Variants in KSR2 observed in about 807,000 individuals in gnomAD.
KSR2 encodes the protein kinase suppressor of ras 2.
A neutral mutation model predicts 107.8 loss-of-function variants in KSR2; 25 were observed. That is an observed-to-expected ratio of 0.23 (90% CI 0.17 to 0.32). The LOEUF is 0.32. Among genes scored for constraint, KSR2 ranks in the 10% least tolerant of loss-of-function variants. The pLI is 1.00. For missense variants in KSR2, 887 were observed against 1,268.9 expected (o/e 0.70, Z 4.57); for synonymous variants, 480 against 507.0 (o/e 0.95, Z 0.71).
Position 117,860,407 on chromosome 12 carries a change from G to C in KSR2, c.205C>G (p.Arg69Gly), listed in dbSNP as rs766509246. ...LESKLVKYFS[R>G]QLSCKKKVAL... ...ACCTTCTTTTTGCAGGACAGCTGCC[G>C]GCTGAAGTACTTCACCAGCTTGCTC... The change falls in exon 2 of 20, where the codon CGG becomes GGG. Residue 69 changes from arginine to glycine, a missense_variant. Transcript: ENST00000339824. 1 of 1,610,774 alleles carries C rather than the reference G, an allele frequency of 6.2e-7. No individual in the cohort carries two copies. Among genetic ancestry groups the C allele is most frequent in the African/African-American group, 1.3e-5 (1 of 74,898 alleles).
chr12:117,460,429 G>A lies in KSR2; in HGVS notation c.*6770C>T, dbSNP rs2137094070. 2 of 152,428 alleles carry A rather than the reference G, an allele frequency of 1.3e-5. No homozygotes were observed. The highest frequency in any genetic ancestry group is 6.8e-3 in the Middle Eastern group (2 of 294). 9.4% of individuals were successfully genotyped at this position (152,428 alleles called of 1,614,324 possible). On this transcript the variant is annotated 3_prime_UTR_variant, in exon 20 of 20. Coordinates refer to ENST00000339824, the MANE Select transcript of KSR2 (RefSeq NM_173598.6). ...CCAGCAGGAGAGACGGAGGGGATAG[G>A]AAGCCTGGAGCAGGGATACTGGAGG...
intron 17 of KSR2, among the ~76,000 whole-genome samples, chr12:117,475,967 C>G (rs1441831336): frequency 6.6e-6 from 1 of 152,200 alleles, no homozygotes. Flanking sequence ...GGATCCCCAG[C>G]CTGCTGAGCC....
At chr12:117,628,583 A>G (rs1320059036) in intron 5 of KSR2, among the ~76,000 whole-genome samples, 1 of 152,156 alleles carries the variant, frequency 6.6e-6, no homozygotes, top group Admixed American at 6.5e-5. Context: ...GCTTCGTCCC[A>G]GAGGGGGAGC....
chr12:117,612,801 C>T (rs980126552), intron 5 of KSR2, among the ~76,000 whole-genome samples: 4 of 152,142 alleles, frequency 2.6e-5, no homozygotes, highest in African/African-American at 9.7e-5. Flanking sequence ...TGTAGGGAGG[C>T]AATTGGATCA....
intron 3 of KSR2, among the ~76,000 whole-genome samples, chr12:117,793,913 C>G (rs1890431140): frequency 7.1e-6 from 1 of 140,884 alleles, no homozygotes; most frequent in Non-Finnish European, 1.5e-5. Context: ...CACACTCACA[C>G]CAACATGCAC....
chr12:117,959,507 G>C (rs1261242924), intron 1 of KSR2, among the ~76,000 whole-genome samples: 1 of 152,108 alleles, frequency 6.6e-6, no homozygotes, highest in Non-Finnish European at 1.5e-5. Flanking sequence ...TGAGGGCTTG[G>C]ACTTCCACAA....
intron 14 of KSR2, among the ~76,000 whole-genome samples, chr12:117,490,677 T>C (rs1872698924): frequency 1.3e-5 from 2 of 152,204 alleles, no homozygotes; most frequent in South Asian, 4.1e-4. Context: ...ATTACAGACA[T>C]GAGCCGCTGC....
At chr12:117,710,617 T>A (rs1014259731) in intron 4 of KSR2, among the ~76,000 whole-genome samples, 38 of 152,172 alleles carry the variant, frequency 2.5e-4, no homozygotes, top group African/African-American at 8.7e-4. Context: ...GTTTTGGGCA[T>A]GCAAGTTAAC....
At chr12:117,510,543 A>T (rs1357299145) in intron 14 of KSR2, among the ~76,000 whole-genome samples, 3 of 152,112 alleles carry the variant, frequency 2.0e-5, no homozygotes, top group Non-Finnish European at 2.9e-5. Flanking sequence ...TATTTACGTC[A>T]CCTCCATTGA....
At chr12:117,813,606 A>G (rs1467428842) in intron 3 of KSR2, among the ~76,000 whole-genome samples, 1 of 152,242 alleles carries the variant, frequency 6.6e-6, no homozygotes, top group African/African-American at 2.4e-5. Context: ...CACACCAGTT[A>G]GAATGGCTAC....
At position 117,676,359 on chromosome 12, in the gene KSR2, G is replaced by A. The variant is rs548584248; in HGVS notation, c.987-8701C>T. On this transcript the variant is annotated intron_variant, in intron 4 of 19. Coordinates refer to ENST00000339824, the MANE Select transcript of KSR2 (RefSeq NM_173598.6). ...TGGAGGAATACGCAGTCCTTTTAGA[G>A]AAGACATGGATGCATCTTTTTGCAT... is the stretch of plus-strand genomic sequence containing the variant. Among the ~76,000 whole-genome samples, 24 of 152,254 alleles carry A rather than the reference G, an allele frequency of 1.6e-4. No homozygotes were observed. The South Asian group carries it at 2.9e-3, about 18-fold the overall frequency.
intron 1 of KSR2, among the ~76,000 whole-genome samples, chr12:117,878,310 C>T (rs1226298232): frequency 1.3e-5 from 2 of 152,138 alleles, no homozygotes; most frequent in African/African-American, 4.8e-5. Context: ...TTCCCTCCCA[C>T]TGGTCACCAC....
intron 14 of KSR2, among the ~76,000 whole-genome samples, chr12:117,513,737 G>C (rs1159062701): frequency 2.0e-5 from 3 of 152,210 alleles, no homozygotes; most frequent in African/African-American, 7.2e-5. Context: ...AAGGGAAAGA[G>C]GACGAGAGAG....
chr12:117,789,644 A>G (rs944906384), intron 3 of KSR2, among the ~76,000 whole-genome samples: 2 of 152,156 alleles, frequency 1.3e-5, no homozygotes, highest in African/African-American at 4.8e-5. Context: ...GCCACCTTGC[A>G]TGCTGGCCTC....
intron 4 of KSR2, among the ~76,000 whole-genome samples, chr12:117,757,641 A>G (rs1431434757): frequency 6.6e-6 from 1 of 152,244 alleles, no homozygotes; most frequent in Non-Finnish European, 1.5e-5. Flanking sequence ...CATCACCTTG[A>G]TCAGTCGGCA....
chr12:117,526,942 T>A, intron 13 of KSR2, 129 bp downstream of exon 13: 1 of 722,676 alleles, frequency 1.4e-6, no homozygotes, highest in Non-Finnish European at 2.5e-6. Context: ...AGTTAGAATA[T>A]CCATCAGTCA....
chr12:117,627,346 T>A (rs1479166843), intron 5 of KSR2, among the ~76,000 whole-genome samples: 1 of 152,246 alleles, frequency 6.6e-6, no homozygotes, highest in Non-Finnish European at 1.5e-5. Context: ...TACCAGTTAC[T>A]TCTTTCCATG....
At chr12:117,506,139 C>T (rs146686982) in intron 14 of KSR2, among the ~76,000 whole-genome samples, 12 of 152,304 alleles carry the variant, frequency 7.9e-5, no homozygotes, top group African/African-American at 2.4e-4. Flanking sequence ...ATTTTGATCA[C>T]GGGACACAGA....
At chr12:117,880,020 C>T (rs1240093091) in intron 1 of KSR2, among the ~76,000 whole-genome samples, 1 of 152,232 alleles carries the variant, frequency 6.6e-6, no homozygotes, top group East Asian at 1.9e-4. Context: ...GTGATATGTG[C>T]CTGTAATCCC....
Sources: allele counts gnomAD v4.1 joint callset (sites outside exome capture counted in the v4.1 genomes callset), GRCh38; gene constraint gnomAD v4.1.1; transcripts MANE v1.5; gene names NCBI Gene and HGNC (gene_info 2026-07-23, HGNC 2026-07-21).